KIF21B: variants seen among roughly 807,000 people sequenced by gnomAD.
KIF21B encodes the protein kinesin family member 21B.
Under a neutral mutation model 192.9 loss-of-function variants are expected in KIF21B, and 85 were observed. That is an observed-to-expected ratio of 0.44 (90% CI 0.37 to 0.53). The LOEUF is 0.53. KIF21B is among the 20% of genes least tolerant of loss of function. The probability of loss-of-function intolerance (pLI) is 0.00; values close to 1 mark genes in which losing one functional copy is unlikely to be tolerated. For synonymous variants in KIF21B, 832 were observed against 884.6 expected, an observed-to-expected ratio of 0.94 and a Z score of 1.05; for missense variants, 1,716 against 2,194.8, an observed-to-expected ratio of 0.78 and a Z score of 4.36.
intron 29 of KIF21B, among the ~76,000 whole-genome samples, chr1:200,980,726 G>A (rs1451400241): frequency 6.6e-6 from 1 of 152,228 alleles, no homozygotes; most frequent in Non-Finnish European, 1.5e-5. Context: ...GGAAGGTCTG[G>A]AAGGAAGTGC....
chr1:200,974,946 G>T, intron 33 of KIF21B, 33 bp from the exon 34 acceptor site: 1 of 1,604,668 alleles, frequency 6.2e-7, no homozygotes, highest in Non-Finnish European at 8.5e-7. Flanking sequence ...GAGGGCTGGG[G>T]GAGGTGATGA....
rs139587088 is a variant in KIF21B, at chr1:201,005,344, G to C, written c.696C>G (p.His232Gln). 1.2e-6 allele frequency: 2 copies of C among 1,612,342 alleles called. No individual in the cohort carries two copies. Among genetic ancestry groups the C allele is most frequent in the African/African-American group, 2.7e-5 (2 of 75,068 alleles). ...GGGTGCACATGCGCATCTGGCACAG[G>C]TGGATGGTGAAGATGGCGTGGGAGC... Reference protein sequence around the residue: ...SSRSHAIFTIHLCQMRMCTQP... With the variant: ...SSRSHAIFTIQLCQMRMCTQP... The change falls in exon 5 of 35, where the codon CAC (histidine) becomes CAG (glutamine). Residue 232 changes from histidine to glutamine, a missense_variant. Around this residue, in one of 3 missense-constraint regions of KIF21B, gnomAD observed 1,087 missense variants for 1,316.6 expected, o/e 0.83. Transcript: ENST00000461742.
At chr1:201,003,492 G>A in intron 8 of KIF21B, 94 bp downstream of exon 8, 1 of 1,268,980 alleles carries the variant, frequency 7.9e-7, no homozygotes, top group South Asian at 1.2e-5. Context: ...TGGGAGGGAT[G>A]CTGAGGAAGT....
At chr1:201,020,402 C>T (rs533219169) in intron 1 of KIF21B, among the ~76,000 whole-genome samples, 4 of 152,178 alleles carry the variant, frequency 2.6e-5, no homozygotes, top group South Asian at 4.1e-4. Flanking sequence ...ACCTCCTCCC[C>T]CAGGTGACTG....
At chr1:201,011,500 C>T (rs1427481632) in intron 1 of KIF21B, among the ~76,000 whole-genome samples, 1 of 152,204 alleles carries the variant, frequency 6.6e-6, no homozygotes, top group African/African-American at 2.4e-5. Context: ...TTATGCTACA[C>T]CGTCTCTAAA....
chr1:200,987,770 C>T (rs1189836231), intron 24 of KIF21B, among the ~76,000 whole-genome samples: 2 of 152,218 alleles, frequency 1.3e-5, no homozygotes, highest in African/African-American at 4.8e-5. Context: ...TACCTCAAAA[C>T]TATGCATAAT....
intron 30 of KIF21B, among the ~76,000 whole-genome samples, chr1:200,979,199 A>G (rs1655751184): frequency 6.6e-6 from 1 of 151,610 alleles, no homozygotes; most frequent in Non-Finnish European, 1.5e-5. Flanking sequence ...AGTGGCCAGC[A>G]TGGCTTTGGA....
At position 200,999,782 on chromosome 1, in the gene KIF21B, G is replaced by A. The variant is rs1280370065; in HGVS notation, c.1767+101C>T. On this transcript the variant is annotated intron_variant, in intron 12 of 34. Transcript: ENST00000461742. The surrounding 1 kb of genome is among the most constrained non-coding windows in gnomAD (Gnocchi z 4.7). Reference sequence around the variant, plus strand: ...GGATCAACTGGATGCAGACCCAACCGCCTCCTTCACTCCATACAAGGATGC... The same window carrying A: ...GGATCAACTGGATGCAGACCCAACCACCTCCTTCACTCCATACAAGGATGC... 1.2e-5 allele frequency: 14 copies of A among 1,180,136 alleles called. No homozygotes were observed. Among genetic ancestry groups the A allele is most frequent in the African/African-American group, 7.5e-5 (5 of 66,548 alleles). 73.1% of individuals were successfully genotyped at this position (1,180,136 alleles called of 1,614,324 possible).
Position 200,969,390 on chromosome 1 carries a change from T to C in KIF21B, c.*4131A>G, listed in dbSNP as rs1462291209. The C allele has an allele frequency of 2.1e-5, 3 of 142,230 alleles. No homozygotes were observed. Among genetic ancestry groups the C allele is most frequent in the Non-Finnish European group, 4.5e-5 (3 of 66,336 alleles). The allele number at this position is 142,230 out of a possible 1,614,324, so 8.8% of individuals were successfully genotyped here. Reference sequence around the variant, plus strand: ...GGGACAGGGGACACCTCCACAGACATTGGTCATTCAGGTTTTATTTATGAC... The same window carrying C: ...GGGACAGGGGACACCTCCACAGACACTGGTCATTCAGGTTTTATTTATGAC... On this transcript the variant is annotated 3_prime_UTR_variant, in exon 35 of 35. Coordinates refer to ENST00000461742, the MANE Select transcript of KIF21B (RefSeq NM_001252102.2).
Position 201,000,051 on chromosome 1 carries a change from A to C in KIF21B, c.1686-87T>G. 1 of 1,242,558 alleles carries C rather than the reference A, an allele frequency of 8.0e-7. No individual in the cohort carries two copies. Among genetic ancestry groups the C allele is most frequent in the Admixed American group, 1.7e-5 (1 of 58,704 alleles). The allele number at this position is 1,242,558 out of a possible 1,614,324, so 77.0% of individuals were successfully genotyped here. A position where few individuals can be genotyped will look rare whatever the true frequency, so the allele number is the denominator to read the frequency against. On this transcript the variant is annotated intron_variant, in intron 11 of 34. Transcript: ENST00000461742. The surrounding 1 kb of genome is among the most constrained non-coding windows in gnomAD (Gnocchi z 6.0). ...AGGACGGCGGCAGCGGCAGAAAAGG[A>C]AGGCTCTCACCAGAGGCCGGGGAGA...
rs1023824131 is a variant in KIF21B at position 200,999,641 on chromosome 1, C to A, written c.1768-175G>T. On this transcript the variant is annotated intron_variant, in intron 12 of 34. Transcript: ENST00000461742. The surrounding 1 kb of genome is among the most constrained non-coding windows in gnomAD (Gnocchi z 4.7). ...GGAAGAGTGCCGCCTCCCCCAACAC[C>A]ACCGCAGAACCCCTCTAGGAGGGCC... Among the ~76,000 whole-genome samples the A allele has an allele frequency of 1.3e-4, 20 of 152,044 alleles. No individual in the cohort carries two copies. Among genetic ancestry groups the A allele is most frequent in the Non-Finnish European group, 2.5e-4 (17 of 67,964 alleles).
chr1:201,000,623 C>CG lies in KIF21B; in HGVS notation c.1467-16dup. ...GAAGCTTAGTCCTGCACAGGAAGAA[C>CG]GAGTGGACGGGGCCGAGTGAGCTGC... On this transcript the variant is annotated splice_polypyrimidine_tract_variant and intron_variant, in intron 10 of 34. Coordinates refer to ENST00000461742, the MANE Select transcript of KIF21B (RefSeq NM_001252102.2). This position sits in a 1 kb window ranked among gnomAD's most constrained non-coding sequence, Gnocchi z 6.0. 1 of 1,613,348 alleles carries CG rather than the reference C, an allele frequency of 6.2e-7. No individual in the cohort carries two copies. Among genetic ancestry groups the CG allele is most frequent in the Non-Finnish European group, 8.5e-7 (1 of 1,179,816 alleles).
At chr1:201,020,919 T>G (rs1658785991) in intron 1 of KIF21B, among the ~76,000 whole-genome samples, 1 of 151,954 alleles carries the variant, frequency 6.6e-6, no homozygotes, top group Non-Finnish European at 1.5e-5. Context: ...GTTATTCTCA[T>G]GGAAATTCAG....
rs571173675 is a variant in KIF21B at position 200,980,948 on chromosome 1, C to T, written c.3979+12G>A. 4.0e-5 allele frequency: 64 copies of T among 1,606,640 alleles called. 1 individual carries two copies. The highest frequency in any genetic ancestry group is 2.0e-4 in the South Asian group (18 of 89,618). Reference sequence around the variant, plus strand: ...ACCCCAACCCTACCTGGCTAGTTGGCGTTCCACATACCTTTGGACCCTGTG... The same window carrying T: ...ACCCCAACCCTACCTGGCTAGTTGGTGTTCCACATACCTTTGGACCCTGTG... On this transcript the variant is annotated intron_variant, in intron 29 of 34. Coordinates refer to ENST00000461742, the MANE Select transcript of KIF21B (RefSeq NM_001252102.2).
chr1:201,011,315 C>T (rs1467780705), intron 1 of KIF21B, among the ~76,000 whole-genome samples: 3 of 152,222 alleles, frequency 2.0e-5, no homozygotes, highest in Non-Finnish European at 4.4e-5. Context: ...AGCATCTAAA[C>T]ACTACCATGG....
chr1:200,987,013 A>C lies in KIF21B; in HGVS notation c.3597T>G (p.Pro1199=). 6.2e-7 allele frequency: 1 copy of C among 1,614,128 alleles called. No homozygotes were observed. Among genetic ancestry groups the C allele is most frequent in the Non-Finnish European group, 8.5e-7 (1 of 1,180,008 alleles). Residue 1199 remains proline (P), a synonymous_variant, in exon 25 of 35, where the codon CCT becomes CCG. Coordinates refer to ENST00000461742, the MANE Select transcript of KIF21B (RefSeq NM_001252102.2). ...ATCCTTACAAAGTGCTGCCCCGGGT[A>C]GGCAGACTGACGGTGCGCGAGACCC... The part of the protein sequence containing the change: ...RDRVSRTVSL[P]TRGSTFPRQS...
At position 200,971,688 on chromosome 1, in the gene KIF21B, C is replaced by A. The variant is rs1357349735; in HGVS notation, c.*1833G>T. 6.6e-6 allele frequency: 1 copy of A among 152,354 alleles called. No homozygotes were observed. Among genetic ancestry groups the A allele is most frequent in the Admixed American group, 6.5e-5 (1 of 15,286 alleles). The allele number at this position is 152,354 out of a possible 1,614,324, so 9.4% of individuals were successfully genotyped here. ...TGTTCAGGTCCCAGGAGACCAGCAT[C>A]CAAGGGGGTCTCCTTCCTGCTATCA... On this transcript the variant is annotated 3_prime_UTR_variant, in exon 35 of 35. Coordinates refer to ENST00000461742, the MANE Select transcript of KIF21B (RefSeq NM_001252102.2).
chr1:200,980,348 G>A (rs772969417), intron 29 of KIF21B, among the ~76,000 whole-genome samples: 21 of 152,302 alleles, frequency 1.4e-4, no homozygotes, highest in African/African-American at 2.6e-4. Context: ...TTGACCTCCC[G>A]GACTCAAACG....
At chr1:201,005,277 C>G in intron 5 of KIF21B, 31 bp downstream of exon 5, 3 of 1,542,252 alleles carry the variant, frequency 1.9e-6, no homozygotes, top group Non-Finnish European at 1.7e-6. Context: ...CTGCAGCAAG[C>G]TGGCTCCTGG....
Sources: gnomAD v4.1 joint callset for allele counts (sites outside exome capture counted in the v4.1 genomes callset) on GRCh38, gnomAD v4.1.1 for gene constraint, gnomAD v4.1.1 regional missense constraint, Gnocchi (gnomAD v3.1) non-coding constraint, MANE v1.5 for transcripts, NCBI Gene and HGNC (gene_info 2026-07-23, HGNC 2026-07-21) for gene names.